Variants in GALNT13 observed in about 807,000 individuals in gnomAD.
GALNT13 encodes the protein UDP-GalNAc:polypeptide N-acetylgalactosaminyltransferase 13.
GALNT13 carries 28 observed loss-of-function variants against 64.2 expected under a neutral mutation model. The observed-to-expected ratio is 0.44, with a 90% CI of 0.32 to 0.60. The LOEUF (loss-of-function observed/expected upper bound fraction) is 0.60. Among genes scored for constraint, GALNT13 ranks in the 20% least tolerant of loss-of-function variants. GALNT13 has a pLI of 0.05. For missense variants in GALNT13, 577 were observed against 669.8 expected (o/e 0.86, Z 1.53); for synonymous variants, 214 against 224.6 (o/e 0.95, Z 0.42).
chr2:154,047,635 G>A (rs1043881829), intron 3 of GALNT13, among the ~76,000 whole-genome samples: 3 of 152,110 alleles, frequency 2.0e-5, no homozygotes, highest in Non-Finnish European at 4.4e-5. Flanking sequence ...CTGGTTCATC[G>A]TAAATGCTCC....
the GALNT13 span, among the ~76,000 whole-genome samples, chr2:153,466,952 G>A: frequency 6.6e-6 from 1 of 151,822 alleles, no homozygotes; most frequent in Non-Finnish European, 1.5e-5. Flanking sequence ...TCAGAATAGG[G>A]GAAATTTATA....
chr2:154,041,236 T>C (rs1464043177), intron 3 of GALNT13, among the ~76,000 whole-genome samples: 1 of 140,584 alleles, frequency 7.1e-6, no homozygotes, highest in Non-Finnish European at 1.6e-5. Flanking sequence ...TAGAAATTAC[T>C]CAAGCTATCT....
At chr2:154,369,805 A>G (rs1014374319) in intron 9 of GALNT13, among the ~76,000 whole-genome samples, 3 of 152,164 alleles carry the variant, frequency 2.0e-5, no homozygotes, top group Non-Finnish European at 2.9e-5. Context: ...TAAGGTGTCA[A>G]TGAAGTTTCA....
intron 3 of GALNT13, among the ~76,000 whole-genome samples, chr2:154,024,088 T>G (rs1697751458): frequency 6.6e-6 from 1 of 152,214 alleles, no homozygotes; most frequent in Admixed American, 6.5e-5. Flanking sequence ...GGGCTTCCCT[T>G]TGTGGGTAAC....
At chr2:153,831,507 C>T in the GALNT13 span, among the ~76,000 whole-genome samples, 1 of 152,128 alleles carries the variant, frequency 6.6e-6, no homozygotes, top group Non-Finnish European at 1.5e-5. Context: ...TTGTAGCAGC[C>T]ACTGTATCCA....
At chr2:153,473,968 C>T in the GALNT13 span, among the ~76,000 whole-genome samples, 4 of 152,130 alleles carry the variant, frequency 2.6e-5, no homozygotes, top group African/African-American at 9.7e-5. Flanking sequence ...CCTTTGAGAA[C>T]GCAGAGACCT....
chr2:154,384,940 C>A (rs1698436996), intron 9 of GALNT13, among the ~76,000 whole-genome samples: 1 of 151,824 alleles, frequency 6.6e-6, no homozygotes, highest in Admixed American at 6.6e-5. Context: ...ATTTAAATGG[C>A]CATAATTATC....
At chr2:154,393,351 T>TGC (rs1698885458) in intron 9 of GALNT13, among the ~76,000 whole-genome samples, 1 of 152,176 alleles carries the variant, frequency 6.6e-6, no homozygotes, top group South Asian at 2.1e-4. Flanking sequence ...CTCTCATACT[T>TGC]GCTTTCCTAT....
chr2:153,506,800 C>T, the GALNT13 span, among the ~76,000 whole-genome samples: 2 of 152,208 alleles, frequency 1.3e-5, no homozygotes, highest in Non-Finnish European at 2.9e-5. Flanking sequence ...CTTTATATAA[C>T]CTGATGACTA....
At chr2:153,824,387 CAAAA>C in the GALNT13 span, among the ~76,000 whole-genome samples, 1 of 152,066 alleles carries the variant, frequency 6.6e-6, no homozygotes, top group Non-Finnish European at 1.5e-5. Context: ...TATACCCAAA[CAAAA>C]TAAATCATTT....
At chr2:153,396,602 A>G in the GALNT13 span, among the ~76,000 whole-genome samples, 1 of 152,092 alleles carries the variant, frequency 6.6e-6, no homozygotes, top group Non-Finnish European at 1.5e-5. Context: ...CTATGTGAGT[A>G]GTCTGGAGCC....
At chr2:154,146,330 G>A (rs1387028368) in intron 4 of GALNT13, among the ~76,000 whole-genome samples, 1 of 151,816 alleles carries the variant, frequency 6.6e-6, no homozygotes, top group African/African-American at 2.4e-5. Context: ...ATTTAAGTAC[G>A]TTGTATGCAG....
the GALNT13 span, among the ~76,000 whole-genome samples, chr2:153,458,658 C>T: frequency 2.6e-5 from 4 of 152,092 alleles, no homozygotes; most frequent in Non-Finnish European, 5.9e-5. Flanking sequence ...TATTTGGGAG[C>T]CATTTTTGTA....
At chr2:153,770,069 A>G in the GALNT13 span, among the ~76,000 whole-genome samples, 6 of 152,082 alleles carry the variant, frequency 3.9e-5, no homozygotes, top group African/African-American at 1.2e-4. Context: ...TATTTCAAAC[A>G]TTTCATTTTG....
At chr2:153,219,906 A>G in the GALNT13 span, among the ~76,000 whole-genome samples, 20 of 152,304 alleles carry the variant, frequency 1.3e-4, 1 homozygote, top group Admixed American at 1.0e-3. Context: ...ATTTAGTGCA[A>G]TTGTTAAGGT....
intron 8 of GALNT13, among the ~76,000 whole-genome samples, chr2:154,298,361 T>C (rs1281851797): frequency 7.4e-6 from 1 of 134,578 alleles, no homozygotes; most frequent in Non-Finnish European, 1.6e-5. Flanking sequence ...TAAATACATA[T>C]ATAATATCAC....
At chr2:153,440,795 ATTGT>A in the GALNT13 span, among the ~76,000 whole-genome samples, 13 of 151,228 alleles carry the variant, frequency 8.6e-5, no homozygotes, top group East Asian at 1.9e-4. Context: ...TTTTGTTGGT[ATTGT>A]TTGTTTTTTT....
At chr2:153,094,959 A>G in the GALNT13 span, among the ~76,000 whole-genome samples, 1 of 152,216 alleles carries the variant, frequency 6.6e-6, no homozygotes, top group Non-Finnish European at 1.5e-5. Flanking sequence ...AGGCAATACC[A>G]TTCAGGACAT....
At chr2:153,566,352 T>TG in the GALNT13 span, among the ~76,000 whole-genome samples, 23,978 of 78,088 alleles carry the variant, frequency 0.31, 2,973 homozygotes, top group Non-Finnish European at 0.43. Flanking sequence ...AATCACGTTT[T>TG]TTTTTTTTTT....
Sources: gnomAD v4.1 joint callset for allele counts (sites outside exome capture counted in the v4.1 genomes callset) on GRCh38, gnomAD v4.1.1 for gene constraint, MANE v1.5 for transcripts, NCBI Gene and HGNC (gene_info 2026-07-23, HGNC 2026-07-21) for gene names.